Variants in SLC75A1 observed in about 807,000 individuals in gnomAD.
SLC75A1 encodes major facilitator superfamily domain containing 10.
At chr4:2,930,594 A>G in the SLC75A1 span, 1 of 570,644 alleles carries the variant, frequency 1.8e-6, no homozygotes, top group African/African-American at 1.9e-5. Flanking sequence ...TTATTTCATC[A>G]TCAGAAACCT....
chr4:2,931,928 T>C, the SLC75A1 span: 1 of 1,608,298 alleles, frequency 6.2e-7, no homozygotes, highest in East Asian at 2.2e-5. Context: ...CGGCGCAGGC[T>C]GCTGAGCCCT....
At chr4:2,931,848 T>G in the SLC75A1 span, 1 of 1,607,340 alleles carries the variant, frequency 6.2e-7, no homozygotes, top group East Asian at 2.2e-5. Context: ...AGCGCTGGTG[T>G]GTGAGGAAGC....
the SLC75A1 span, chr4:2,932,759 C>G: frequency 4.5e-6 from 7 of 1,559,254 alleles, no homozygotes; most frequent in Non-Finnish European, 6.1e-6. Context: ...CCACACCCAT[C>G]TGCCCAGGGG....
chr4:2,930,693 A>T, the SLC75A1 span: 1 of 800,978 alleles, frequency 1.2e-6, no homozygotes, highest in Non-Finnish European at 2.0e-6. Context: ...AGTCTGGAGG[A>T]GCTGCCTGAG....
At chr4:2,931,591 CCGCCGGGCATAGG>C in the SLC75A1 span, 4 of 1,613,366 alleles carry the variant, frequency 2.5e-6, no homozygotes, top group Non-Finnish European at 3.4e-6. Context: ...CAGGGTGGAT[CCGCCGGGCATAGG>C]CACCCTGGAT....
At chr4:2,931,069 G>GCCACCAGGGGCC in the SLC75A1 span, 19 of 1,603,410 alleles carry the variant, frequency 1.2e-5, no homozygotes, top group Non-Finnish European at 1.6e-5. Context: ...ACCTGAAGCG[G>GCCACCAGGGGCC]CCACCAGGGG....
the SLC75A1 span, chr4:2,931,339 G>T: frequency 6.5e-7 from 1 of 1,543,530 alleles, no homozygotes. Context: ...AGCCCCTGCT[G>T]CCCATCGGAT....
chr4:2,934,270 GCGGGGAACCC>G, the SLC75A1 span: 3 of 296,520 alleles, frequency 1.0e-5, no homozygotes, highest in Non-Finnish European at 1.9e-5. Flanking sequence ...ACTTGAAGCC[GCGGGGAACCC>G]GGATCCCGAT....
At chr4:2,932,633 G>A in the SLC75A1 span, 2 of 1,613,232 alleles carry the variant, frequency 1.2e-6, no homozygotes, top group African/African-American at 1.3e-5. Flanking sequence ...GCGAGCCCAG[G>A]TCAGCAACGA....
chr4:2,931,467 T>G, the SLC75A1 span: 1 of 1,575,718 alleles, frequency 6.3e-7, no homozygotes, highest in South Asian at 1.2e-5. Flanking sequence ...CAGGAGGGCC[T>G]GCAGGTGGGC....
the SLC75A1 span, chr4:2,932,484 C>T: frequency 2.5e-6 from 4 of 1,613,746 alleles, no homozygotes; most frequent in Non-Finnish European, 3.4e-6. Flanking sequence ...CAGGGTGAAG[C>T]CCAGTGAGAA....
chr4:2,932,147 AG>A, the SLC75A1 span: 1 of 1,606,006 alleles, frequency 6.2e-7, no homozygotes, highest in East Asian at 2.2e-5. Context: ...AGGGCGATAG[AG>A]GGCGCCTGTG....
At chr4:2,934,325 G>A in the SLC75A1 span, 2 of 221,344 alleles carry the variant, frequency 9.0e-6, no homozygotes. Context: ...CCCAACCCCA[G>A]CCCCGGCCCG....
At chr4:2,931,945 A>T in the SLC75A1 span, 4 of 1,604,902 alleles carry the variant, frequency 2.5e-6, no homozygotes, top group Non-Finnish European at 3.4e-6. Context: ...CCCTGGGGAG[A>T]GGTGGCGCGT....
the SLC75A1 span, chr4:2,933,008 G>C: frequency 8.1e-7 from 1 of 1,241,202 alleles, no homozygotes; most frequent in Non-Finnish European, 1.1e-6. Flanking sequence ...GTGGCCATGA[G>C]GGGCCCACAG....
chr4:2,931,458 A>G, the SLC75A1 span: 2 of 1,571,898 alleles, frequency 1.3e-6, no homozygotes, highest in South Asian at 2.3e-5. Flanking sequence ...CACCAGCAGC[A>G]GGAGGGCCTG....
the SLC75A1 span, chr4:2,933,132 T>TC: frequency 6.2e-7 from 1 of 1,613,268 alleles, no homozygotes; most frequent in Non-Finnish European, 8.5e-7. Context: ...ACCGGGCGCC[T>TC]CCCCAAGCAG....
the SLC75A1 span, chr4:2,931,583 G>C: frequency 6.2e-7 from 1 of 1,613,242 alleles, no homozygotes; most frequent in Non-Finnish European, 8.5e-7. Context: ...TTCCCCGCCA[G>C]GGTGGATCCG....
chr4:2,932,878 G>A, the SLC75A1 span: 2 of 1,311,968 alleles, frequency 1.5e-6, no homozygotes, highest in South Asian at 1.5e-5. Context: ...AGCATCTGAG[G>A]GCCACTTGCG....
Sources: allele counts gnomAD v4.1 joint callset, GRCh38; gene constraint gnomAD v4.1.1; transcripts MANE v1.5; gene names NCBI Gene and HGNC (gene_info 2026-07-23, HGNC 2026-07-21).